The following CAMTA1 variants were observed in gnomAD, a reference collection of about 807,000 sequenced individuals.
CAMTA1 encodes calmodulin-binding transcription activator 1.
CAMTA1 carries 27 observed loss-of-function variants against 170.9 expected under a neutral mutation model. The observed-to-expected ratio is 0.16, with a 90% CI of 0.12 to 0.22. The LOEUF is 0.22. Ranked by LOEUF, CAMTA1 falls within the 10% of genes least tolerant of loss-of-function variation. CAMTA1 has a pLI of 1.00. For synonymous variants in CAMTA1, 833 were observed against 891.5 expected (o/e 0.93, Z 1.17); for missense variants, 1,619 against 2,217.2 (o/e 0.73, Z 5.42).
intron 11 of CAMTA1, among the ~76,000 whole-genome samples, chr1:7,725,370 G>A (rs1308157016): frequency 6.6e-6 from 1 of 152,252 alleles, no homozygotes; most frequent in East Asian, 1.9e-4. Context: ...TGGTAGAGGA[G>A]TACTTGATCC....
chr1:7,394,178 G>T (rs999386569), intron 5 of CAMTA1, among the ~76,000 whole-genome samples: 1 of 152,100 alleles, frequency 6.6e-6, no homozygotes, highest in Non-Finnish European at 1.5e-5. Context: ...CAGATATAAT[G>T]ATTTCGTTTG....
At chr1:7,457,709 T>C (rs1295928486) in intron 5 of CAMTA1, among the ~76,000 whole-genome samples, 6 of 152,218 alleles carry the variant, frequency 3.9e-5, no homozygotes, top group Non-Finnish European at 8.8e-5. Flanking sequence ...GAAGACCCAG[T>C]GTCCCTCTCT....
chr1:7,011,863 C>T (rs1216905071), intron 3 of CAMTA1, among the ~76,000 whole-genome samples: 2 of 152,104 alleles, frequency 1.3e-5, no homozygotes, highest in East Asian at 1.9e-4. Context: ...AGTTCCGATA[C>T]CTCCAAATTC....
intron 4 of CAMTA1, among the ~76,000 whole-genome samples, chr1:7,243,707 G>C (rs1665284790): frequency 6.6e-6 from 1 of 152,198 alleles, no homozygotes; most frequent in Non-Finnish European, 1.5e-5. Flanking sequence ...ACCTGGCAAT[G>C]TGGGCTCTTT....
intron 5 of CAMTA1, among the ~76,000 whole-genome samples, chr1:7,377,178 C>T (rs185367081): frequency 1.1e-4 from 16 of 152,326 alleles, no homozygotes; most frequent in Non-Finnish European, 1.8e-4. Context: ...ACCTGACCAC[C>T]TCCCAGAGTT....
intron 4 of CAMTA1, among the ~76,000 whole-genome samples, chr1:7,172,969 A>G (rs1363613205): frequency 2.0e-5 from 3 of 152,334 alleles, no homozygotes; most frequent in Admixed American, 1.3e-4. Flanking sequence ...CTAAAATTAG[A>G]TCCCTTCCTG....
intron 4 of CAMTA1, among the ~76,000 whole-genome samples, chr1:7,170,475 C>A (rs1384737106): frequency 6.6e-6 from 1 of 152,090 alleles, no homozygotes; most frequent in Non-Finnish European, 1.5e-5. Context: ...TGCCCTCCAA[C>A]CCCGACAGGC....
At chr1:7,003,744 T>A (rs1254785591) in intron 3 of CAMTA1, among the ~76,000 whole-genome samples, 1 of 152,198 alleles carries the variant, frequency 6.6e-6, no homozygotes, top group Admixed American at 6.5e-5. Context: ...AGTAATGATT[T>A]TCATATACCA....
intron 7 of CAMTA1, among the ~76,000 whole-genome samples, chr1:7,659,386 T>G (rs1321800595): frequency 6.6e-6 from 1 of 151,820 alleles, no homozygotes; most frequent in Non-Finnish European, 1.5e-5. Flanking sequence ...ATACAAAAAT[T>G]AGCCAGGCCC....
In CAMTA1 at chr1:7,463,866, G is replaced by A. The variant is rs554616884; in HGVS notation, c.439-3964G>A. On this transcript the variant is annotated intron_variant, in intron 5 of 22. Transcript: ENST00000303635. This position sits in a 1 kb window ranked among gnomAD's most constrained non-coding sequence, Gnocchi z 4.7. ...CCCACTGCGTTTGAGGGGGCTCTGCGGCCATGCTCCCTTCAGAAACGCCAC... is the reference window on the plus strand; with the variant it reads ...CCCACTGCGTTTGAGGGGGCTCTGCAGCCATGCTCCCTTCAGAAACGCCAC... 5.9e-5 allele frequency among the ~76,000 whole-genome samples: 9 copies of A among 152,338 alleles called. 1 individual carries two copies. In the South Asian group the frequency reaches 1.2e-3, roughly 21 times the overall value.
At chr1:7,502,683 T>A (rs1439395533) in intron 6 of CAMTA1, among the ~76,000 whole-genome samples, 1 of 152,156 alleles carries the variant, frequency 6.6e-6, no homozygotes, top group Non-Finnish European at 1.5e-5. Context: ...GGCTCTGGAA[T>A]CGGGCCCTCA....
chr1:7,716,812 T>G (rs2096613475), intron 11 of CAMTA1, among the ~76,000 whole-genome samples: 1 of 152,166 alleles, frequency 6.6e-6, no homozygotes, highest in African/African-American at 2.4e-5. Context: ...CAGAGAGAGA[T>G]CTGCACTCCT....
At chr1:7,321,836 C>T (rs1338642285) in intron 5 of CAMTA1, among the ~76,000 whole-genome samples, 1 of 152,114 alleles carries the variant, frequency 6.6e-6, no homozygotes, top group African/African-American at 2.4e-5. Flanking sequence ...TTGGCTAGAA[C>T]TTGCACCTCC....
rs554220034 is a variant in CAMTA1 at position 6,997,686 on chromosome 1, G to C, written c.235-93618G>C. On this transcript the variant is annotated intron_variant, in intron 3 of 22. Transcript: ENST00000303635. ...TTTTTTTTTTTTTTTTTGAGACAGA[G>C]TTTCGCTTTTGTTGCCCAGGCTGGA... Among the ~76,000 whole-genome samples the C allele has an allele frequency of 4.0e-5, 5 of 125,420 alleles. No homozygotes were observed. The East Asian group carries it at 1.1e-3, about 27-fold the overall frequency. The allele number at this position is 125,420 out of a possible 152,430, so 82.3% of individuals were successfully genotyped here.
At chr1:6,798,819 A>C (rs979035641) in intron 1 of CAMTA1, among the ~76,000 whole-genome samples, 1 of 151,192 alleles carries the variant, frequency 6.6e-6, no homozygotes, top group African/African-American at 2.4e-5. Context: ...GATGGTCTCT[A>C]TCTCCTGACC....
chr1:7,706,269 A>C (rs951741834), intron 11 of CAMTA1, among the ~76,000 whole-genome samples: 1 of 152,364 alleles, frequency 6.6e-6, no homozygotes, highest in African/African-American at 2.4e-5. Context: ...AGATAACTAC[A>C]GAAATGCCTC....
intron 4 of CAMTA1, among the ~76,000 whole-genome samples, chr1:7,131,046 C>T (rs574044413): frequency 1.0e-3 from 155 of 152,040 alleles, no homozygotes; most frequent in African/African-American, 3.6e-3. Flanking sequence ...CTCTGCCTCC[C>T]GGGTTCAAGC....
At chr1:7,101,233 C>T (rs59622855) in intron 4 of CAMTA1, among the ~76,000 whole-genome samples, 8,120 of 152,176 alleles carry the variant, frequency 0.053, 273 homozygotes, top group East Asian at 0.19. Flanking sequence ...CTGTCACGGG[C>T]GTGGATTGGC....
At chr1:7,376,518 AG>A (rs1248373197) in intron 5 of CAMTA1, among the ~76,000 whole-genome samples, 2 of 152,218 alleles carry the variant, frequency 1.3e-5, no homozygotes, top group Non-Finnish European at 2.9e-5. Flanking sequence ...TAATTTAGTG[AG>A]TCCAGCAGTG....
Sources: gnomAD v4.1 joint callset for allele counts (sites outside exome capture counted in the v4.1 genomes callset) on GRCh38, gnomAD v4.1.1 for gene constraint, Gnocchi (gnomAD v3.1) non-coding constraint, MANE v1.5 for transcripts, NCBI Gene and HGNC (gene_info 2026-07-23, HGNC 2026-07-21) for gene names.